Variants in SPATA17 observed in about 807,000 individuals in gnomAD.
SPATA17 encodes the protein spermatogenesis-associated protein 17.
Under a neutral mutation model 62.2 loss-of-function variants are expected in SPATA17, and 53 were observed. The observed-to-expected ratio is 0.85, with a 90% CI of 0.68 to 1.07. The LOEUF (loss-of-function observed/expected upper bound fraction) is 1.07, where lower values mean the gene tolerates loss of function less well. Among genes scored for constraint, SPATA17 ranks in the 50% least tolerant of loss-of-function variants. SPATA17 has a pLI of 0.00. For synonymous variants in SPATA17, 146 were observed against 146.8 expected (o/e 0.99, Z 0.04); for missense variants, 466 against 425.5 (o/e 1.10, Z -0.84).
chr1:217,778,826 T>C (rs1015805432), intron 7 of SPATA17, among the ~76,000 whole-genome samples: 1 of 152,196 alleles, frequency 6.6e-6, no homozygotes, highest in African/African-American at 2.4e-5. Context: ...ATACTTTTAA[T>C]GATGTGTCTT....
chr1:217,747,823 G>C lies in SPATA17; in HGVS notation c.519+5725G>C, dbSNP rs565120074. 3.9e-5 allele frequency among the ~76,000 whole-genome samples: 6 copies of C among 152,166 alleles called. No homozygotes were observed. In the South Asian group the frequency reaches 6.2e-4, roughly 16 times the overall value. On this transcript the variant is annotated intron_variant, in intron 6 of 10. Coordinates refer to ENST00000366933, the MANE Select transcript of SPATA17 (RefSeq NM_138796.4). Reference sequence around the variant, plus strand: ...ATGTTTTTCCTCACTCATCACTAAAGCAGTGAAAATACTACTGAAAAAACT... The same window carrying C: ...ATGTTTTTCCTCACTCATCACTAAACCAGTGAAAATACTACTGAAAAAACT...
At position 217,690,478 on chromosome 1, in the gene SPATA17, T is replaced by A. The variant is rs546591579; in HGVS notation, c.395+7117T>A. 2.3e-4 allele frequency among the ~76,000 whole-genome samples: 19 copies of A among 82,764 alleles called. No individual in the cohort carries two copies. The South Asian group carries it at 3.4e-3, about 15-fold the overall frequency. 54.3% of individuals were successfully genotyped at this position (82,764 alleles called of 152,430 possible). ...TTTATTTTATTTTATTTTTTATTTT[T>A]TTTTTTTTTAATTATTTTTTTTTAT... On this transcript the variant is annotated intron_variant, in intron 5 of 10. Coordinates refer to ENST00000366933, the MANE Select transcript of SPATA17 (RefSeq NM_138796.4).
chr1:217,683,171 G>A, intron 4 of SPATA17, 87 bp from the exon 5 acceptor site: 1 of 848,126 alleles, frequency 1.2e-6, no homozygotes, highest in East Asian at 2.7e-5. Flanking sequence ...GGAGTTATCA[G>A]CCATAATTAC....
At chr1:217,724,725 CA>C (rs1270122945) in intron 5 of SPATA17, among the ~76,000 whole-genome samples, 4 of 152,000 alleles carry the variant, frequency 2.6e-5, no homozygotes, top group African/African-American at 7.2e-5. Context: ...TAATAAAGAA[CA>C]ATTGTAATTT....
At chr1:217,664,885 A>AG (rs1468911602) in intron 3 of SPATA17, among the ~76,000 whole-genome samples, 1 of 152,140 alleles carries the variant, frequency 6.6e-6, no homozygotes, top group African/African-American at 2.4e-5. Flanking sequence ...TCTCCTATAA[A>AG]TAAATGCTTA....
At chr1:217,815,628 G>A (rs556482106) in intron 9 of SPATA17, among the ~76,000 whole-genome samples, 18 of 152,182 alleles carry the variant, frequency 1.2e-4, no homozygotes, top group South Asian at 6.2e-4. Flanking sequence ...GGTGTTTTGC[G>A]GATGTGCTTA....
At chr1:217,840,874 T>C (rs995725452) in intron 9 of SPATA17, among the ~76,000 whole-genome samples, 1 of 151,566 alleles carries the variant, frequency 6.6e-6, no homozygotes, top group Non-Finnish European at 1.5e-5. Context: ...AATAAATAAA[T>C]AAAATAATAA....
At chr1:217,721,134 T>G (rs2102934249) in intron 5 of SPATA17, among the ~76,000 whole-genome samples, 1 of 152,344 alleles carries the variant, frequency 6.6e-6, no homozygotes, top group African/African-American at 2.4e-5. Flanking sequence ...TGGTATATTC[T>G]TCAATCACAT....
At chr1:217,643,703 ACT>A (rs150236538) in intron 1 of SPATA17, among the ~76,000 whole-genome samples, 7 of 147,442 alleles carry the variant, frequency 4.7e-5, no homozygotes, top group African/African-American at 1.5e-4. Context: ...AGAAAAAGAA[ACT>A]CTCTCTCTCT....
At chr1:217,850,468 A>G (rs1318413878) in intron 9 of SPATA17, 3 of 1,292,880 alleles carry the variant, frequency 2.3e-6, no homozygotes, top group Non-Finnish European at 3.1e-6. Flanking sequence ...GTAGTCAGAA[A>G]GAGTACAGCC....
At chr1:217,687,079 T>C (rs1671232534) in intron 5 of SPATA17, among the ~76,000 whole-genome samples, 1 of 152,224 alleles carries the variant, frequency 6.6e-6, no homozygotes, top group African/African-American at 2.4e-5. Context: ...ATTTTTGCTA[T>C]TGTAAACATT....
intron 8 of SPATA17, among the ~76,000 whole-genome samples, chr1:217,794,775 A>G (rs540976773): frequency 6.6e-6 from 1 of 152,264 alleles, no homozygotes; most frequent in East Asian, 1.9e-4. Context: ...CTTGTTCTGG[A>G]CGATAAGCTT....
chr1:217,698,413 A>C (rs1671511603), intron 5 of SPATA17, among the ~76,000 whole-genome samples: 1 of 151,956 alleles, frequency 6.6e-6, no homozygotes. Context: ...CAGCCTGGGC[A>C]ACAGAGTGAG....
chr1:217,813,650 G>A (rs992958809), intron 9 of SPATA17, among the ~76,000 whole-genome samples: 2 of 152,008 alleles, frequency 1.3e-5, no homozygotes, highest in Non-Finnish European at 2.9e-5. Flanking sequence ...CAGTTTAAGT[G>A]CTTTTTCTTT....
intron 3 of SPATA17, among the ~76,000 whole-genome samples, chr1:217,653,552 T>C (rs753874563): frequency 5.9e-5 from 9 of 152,046 alleles, no homozygotes; most frequent in Non-Finnish European, 1.0e-4. Flanking sequence ...GTTGAAGAGT[T>C]ACATCTTCAT....
At chr1:217,717,028 A>G (rs931230876) in intron 5 of SPATA17, among the ~76,000 whole-genome samples, 1 of 152,192 alleles carries the variant, frequency 6.6e-6, no homozygotes, top group Admixed American at 6.5e-5. Flanking sequence ...AAGCCAGACC[A>G]CACTGCCTCT....
At chr1:217,762,734 C>G (rs7546204) in intron 6 of SPATA17, among the ~76,000 whole-genome samples, 116,462 of 152,128 alleles carry the variant, frequency 0.77, 44,980 homozygotes, top group Non-Finnish European at 0.81. Context: ...CACTTTGGGA[C>G]GCCGAGGCAG....
intron 9 of SPATA17, among the ~76,000 whole-genome samples, chr1:217,860,782 A>G: frequency 6.6e-6 from 1 of 152,002 alleles, no homozygotes; most frequent in East Asian, 1.9e-4. Context: ...CTTCTTTTTT[A>G]TCCAGTCTTG....
intron 8 of SPATA17, among the ~76,000 whole-genome samples, chr1:217,795,578 C>G (rs912702878): frequency 3.3e-5 from 5 of 151,850 alleles, no homozygotes; most frequent in African/African-American, 1.2e-4. Context: ...CCATGTTGGC[C>G]AGGCTGGTCT....
Sources: gnomAD v4.1 joint callset for allele counts (sites outside exome capture counted in the v4.1 genomes callset) on GRCh38, gnomAD v4.1.1 for gene constraint, MANE v1.5 for transcripts, NCBI Gene and HGNC (gene_info 2026-07-23, HGNC 2026-07-21) for gene names.